The following TAF3 variants were observed in gnomAD, a reference collection of about 807,000 sequenced individuals.
TAF3 encodes the protein transcription initiation factor TFIID subunit 3.
A neutral mutation model predicts 80.6 loss-of-function variants in TAF3; 7 were observed. The ratio of observed to expected loss-of-function variants is 0.09; its 90% CI spans 0.05 to 0.16. The LOEUF is 0.16. Among genes scored for constraint, TAF3 ranks in the 10% least tolerant of loss-of-function variants. TAF3 has a pLI of 1.00. For missense variants in TAF3, 921 were observed against 1,140.2 expected (o/e 0.81, Z 2.77); for synonymous variants, 444 against 446.1 (o/e 1.00, Z 0.06).
At chr10:8,014,559 A>C (rs1255446380) in intron 6 of TAF3, 78 bp from the exon 7 acceptor site, 10 of 1,301,574 alleles carry the variant, frequency 7.7e-6, no homozygotes, top group South Asian at 1.4e-5. Context: ...GACTCTAAAA[A>C]ATTACTTTAA....
At chr10:8,006,559 C>T (rs1432716722) in intron 4 of TAF3, among the ~76,000 whole-genome samples, 2 of 152,238 alleles carry the variant, frequency 1.3e-5, no homozygotes, top group Non-Finnish European at 2.9e-5. Flanking sequence ...GTGCTAAAGT[C>T]TCTTGATCTT....
intron 2 of TAF3, among the ~76,000 whole-genome samples, chr10:7,915,513 C>T (rs1187187569): frequency 2.0e-5 from 3 of 151,068 alleles, no homozygotes; most frequent in Admixed American, 6.6e-5. Flanking sequence ...CATGGTGGTG[C>T]GCGCCCGTAG....
intron 2 of TAF3, among the ~76,000 whole-genome samples, chr10:7,868,302 A>G (rs1222419865): frequency 1.3e-5 from 2 of 152,188 alleles, no homozygotes; most frequent in East Asian, 1.9e-4. Flanking sequence ...GCAGTGTGAC[A>G]TAGTGGTCCA....
chr10:7,977,440 C>A, intron 4 of TAF3, 117 bp downstream of exon 4: 1 of 858,910 alleles, frequency 1.2e-6, no homozygotes, highest in South Asian at 2.2e-5. Context: ...TAGGGTCAAG[C>A]TTTATTTTTA....
chr10:7,861,920 A>G lies in TAF3; in HGVS notation c.409+37360A>G, dbSNP rs145221127. On this transcript the variant is annotated intron_variant, in intron 2 of 6. Coordinates refer to ENST00000344293, the MANE Select transcript of TAF3 (RefSeq NM_031923.4). ...CCTATCATCTCCTTCTGAGACGCCAATTAAACTTGTGTTAGACCTTTTGAT... is the reference window on the plus strand; with the variant it reads ...CCTATCATCTCCTTCTGAGACGCCAGTTAAACTTGTGTTAGACCTTTTGAT... Among the ~76,000 whole-genome samples, 569 of 152,274 alleles carry G rather than the reference A, an allele frequency of 3.7e-3. 7 individuals carry two copies. In the East Asian group the frequency reaches 0.039, roughly 10 times the overall value.
chr10:7,957,281 A>T (rs1454207538), intron 2 of TAF3, among the ~76,000 whole-genome samples: 1 of 151,828 alleles, frequency 6.6e-6, no homozygotes, highest in African/African-American at 2.4e-5. Context: ...TGGGGAGATT[A>T]GGGCAGACGA....
chr10:7,978,905 G>A (rs1022553150), intron 4 of TAF3, among the ~76,000 whole-genome samples: 2 of 152,208 alleles, frequency 1.3e-5, no homozygotes, highest in African/African-American at 4.8e-5. Flanking sequence ...GCCAGGTATG[G>A]TAGGCCATGC....
chr10:7,885,274 C>CACA (rs1268622854), intron 2 of TAF3, among the ~76,000 whole-genome samples: 3,216 of 133,776 alleles, frequency 0.024, 49 homozygotes, highest in African/African-American at 0.049. Flanking sequence ...ACACACACAC[C>CACA]CCCACACACA....
At chr10:7,893,032 C>G (rs1837470574) in intron 2 of TAF3, among the ~76,000 whole-genome samples, 1 of 152,062 alleles carries the variant, frequency 6.6e-6, no homozygotes, top group African/African-American at 2.4e-5. Flanking sequence ...GTTGATCAGG[C>G]TGGTCTCCAC....
chr10:7,912,384 G>A (rs1031218992), intron 2 of TAF3, among the ~76,000 whole-genome samples: 1 of 152,218 alleles, frequency 6.6e-6, no homozygotes, highest in African/African-American at 2.4e-5. Flanking sequence ...GCAAGCATGA[G>A]CCACTGAGCC....
rs530169296 is a variant in TAF3, at chr10:7,964,451, G to A, written c.941G>A (p.Arg314His). The A allele has an allele frequency of 5.6e-6, 9 of 1,613,856 alleles. No individual in the cohort carries two copies. Among genetic ancestry groups the A allele is most frequent in the African/African-American group, 1.3e-5 (1 of 74,986 alleles). Residue 314 changes from arginine to histidine, a missense_variant, in exon 3 of 7, where the codon CGT (arginine) becomes CAT (histidine). Coordinates refer to ENST00000344293, the MANE Select transcript of TAF3 (RefSeq NM_031923.4). This position sits in a 1 kb window ranked among gnomAD's most constrained non-coding sequence, Gnocchi z 4.1. ...TCCAAAGAAAAGAAATCACCTGGAC[G>A]TTCCAAGAGCCCCAAGAGTCCCAAG... ...TVSKEKKSPG[R>H]SKSPKSPKSP... is the part of the protein sequence containing the mutation.
chr10:8,009,277 A>T lies in TAF3; in HGVS notation c.2515A>T (p.Ser839Cys). 6.3e-7 allele frequency: 1 copy of T among 1,579,298 alleles called. No individual in the cohort carries two copies. The highest frequency in any genetic ancestry group is 8.6e-7 in the Non-Finnish European group (1 of 1,165,688). Residue 839 changes from serine (S) to cysteine (C), a missense_variant, in exon 5 of 7, where the codon AGT (serine) becomes TGT (cysteine). Physicochemically the swap from Ser to Cys is moderately radical, Grantham distance 112. Coordinates refer to ENST00000344293, the MANE Select transcript of TAF3 (RefSeq NM_031923.4). The surrounding 1 kb of genome is among the most constrained non-coding windows in gnomAD (Gnocchi z 4.1). ...CCCGGGTCCCGCCGCCTCCGGGGCC[A>T]GTGCCAAAGCCCCCGTGCGCAGCGT... The part of the protein sequence containing the change: ...PSPGPAASGA[S>C]AKAPVRSVVT...
chr10:7,901,154 A>C (rs1056841778), intron 2 of TAF3, among the ~76,000 whole-genome samples: 1 of 152,242 alleles, frequency 6.6e-6, no homozygotes, highest in African/African-American at 2.4e-5. Flanking sequence ...GCTGTCAATG[A>C]TTTTATTAAA....
chr10:7,848,533 A>G (rs1306149516), intron 2 of TAF3, among the ~76,000 whole-genome samples: 2 of 152,082 alleles, frequency 1.3e-5, no homozygotes, highest in African/African-American at 2.4e-5. Flanking sequence ...TCAGCCAGCA[A>G]CCCCTTCCAG....
chr10:7,865,600 C>T (rs575635884), intron 2 of TAF3, among the ~76,000 whole-genome samples: 2 of 152,326 alleles, frequency 1.3e-5, no homozygotes, highest in East Asian at 3.9e-4. Flanking sequence ...AGTAACAGGC[C>T]TGCGTGTCGC....
intron 2 of TAF3, among the ~76,000 whole-genome samples, chr10:7,834,513 G>T (rs1288494787): frequency 1.3e-5 from 2 of 151,958 alleles, no homozygotes; most frequent in Non-Finnish European, 2.9e-5. Flanking sequence ...GTTGTTCATT[G>T]TTTCTAGGCA....
chr10:7,857,142 C>A (rs1272441181), intron 2 of TAF3, among the ~76,000 whole-genome samples: 1 of 152,182 alleles, frequency 6.6e-6, no homozygotes, highest in Non-Finnish European at 1.5e-5. Context: ...TGAAACAACA[C>A]ATACGAATGT....
At position 7,827,803 on chromosome 10, in the gene TAF3, C is replaced by T. The variant is rs1341664458; in HGVS notation, c.409+3243C>T. Among the ~76,000 whole-genome samples the T allele has an allele frequency of 2.1e-5, 3 of 144,572 alleles. No individual in the cohort carries two copies. In the East Asian group the frequency reaches 6.2e-4, roughly 30 times the overall value. The allele number at this position is 144,572 out of a possible 152,430, so 94.8% of individuals were successfully genotyped here. A position where few individuals can be genotyped will look rare whatever the true frequency, so the allele number is the denominator to read the frequency against. On this transcript the variant is annotated intron_variant, in intron 2 of 6. Transcript: ENST00000344293. ...TCAAAAAAAAAAAAAAAAACAAAAA[C>T]AAAAACTTAGCTGGGCATGGTGGTG...
At position 7,977,593 on chromosome 10, in the gene TAF3, A is replaced by G. The variant is rs139637316; in HGVS notation, c.2315+270A>G. On this transcript the variant is annotated intron_variant, in intron 4 of 6. Transcript: ENST00000344293. ...CTGACATTATTTCTGCATAGTCTTTAAGGTCCCACTTATCTGAAAAATAAG... is the reference window on the plus strand; with the variant it reads ...CTGACATTATTTCTGCATAGTCTTTGAGGTCCCACTTATCTGAAAAATAAG... Among the ~76,000 whole-genome samples, 1,087 of 152,044 alleles carry G rather than the reference A, an allele frequency of 7.1e-3. 13 individuals are homozygous for G. Among genetic ancestry groups the G allele is most frequent in the African/African-American group, 0.025 (1,024 of 41,436 alleles).
Sources: gnomAD v4.1 joint callset for allele counts (sites outside exome capture counted in the v4.1 genomes callset) on GRCh38, gnomAD v4.1.1 for gene constraint, Gnocchi (gnomAD v3.1) non-coding constraint, MANE v1.5 for transcripts, NCBI Gene and HGNC (gene_info 2026-07-23, HGNC 2026-07-21) for gene names.